KAZN: variants seen among roughly 807,000 people sequenced by gnomAD.
The protein encoded by KAZN is kazrin.
Under a neutral mutation model 87.4 loss-of-function variants are expected in KAZN, and 40 were observed. That is an observed-to-expected ratio of 0.46 (90% CI 0.36 to 0.60). The LOEUF (loss-of-function observed/expected upper bound fraction) is 0.60. Ranked by LOEUF, KAZN falls within the 20% of genes least tolerant of loss-of-function variation. The pLI is 0.00. For synonymous variants in KAZN, 466 were observed against 458.3 expected (o/e 1.02, Z -0.22); for missense variants, 898 against 1,073.9 (o/e 0.84, Z 2.29).
At chr1:14,812,209 C>A (rs1006121821) in intron 1 of KAZN, among the ~76,000 whole-genome samples, 3 of 152,168 alleles carry the variant, frequency 2.0e-5, no homozygotes, top group African/African-American at 7.2e-5. Context: ...TCTGTGACTA[C>A]CTTGAGCAAA....
chr1:15,054,514 T>C (rs926618039), intron 4 of KAZN, among the ~76,000 whole-genome samples: 1 of 151,960 alleles, frequency 6.6e-6, no homozygotes, highest in East Asian at 1.9e-4. Flanking sequence ...TAGCTGGGCA[T>C]GGTGGCAGGC....
intron 2 of KAZN, among the ~76,000 whole-genome samples, chr1:14,457,523 C>G (rs549376649): frequency 1.3e-5 from 2 of 152,118 alleles, no homozygotes; most frequent in Non-Finnish European, 1.5e-5. Context: ...AATTCATGCA[C>G]GTGGCCCTTT....
intron 2 of KAZN, among the ~76,000 whole-genome samples, chr1:14,993,498 A>G (rs1172789159): frequency 2.0e-5 from 3 of 151,876 alleles, no homozygotes; most frequent in African/African-American, 7.3e-5. Flanking sequence ...CATCATCATC[A>G]TCAGTTCAGG....
intron 2 of KAZN, among the ~76,000 whole-genome samples, chr1:14,278,492 G>A (rs967977981): frequency 1.6e-4 from 24 of 152,058 alleles, no homozygotes; most frequent in South Asian, 4.1e-4. Context: ...GTTTTACGAC[G>A]TTGGCCAGGC....
At chr1:15,045,188 C>T (rs1223919645) in intron 4 of KAZN, among the ~76,000 whole-genome samples, 1 of 152,162 alleles carries the variant, frequency 6.6e-6, no homozygotes, top group Non-Finnish European at 1.5e-5. Flanking sequence ...CACAGGGTGG[C>T]TGGGCAGATC....
At chr1:14,053,940 G>A (rs981278520) in intron 1 of KAZN, among the ~76,000 whole-genome samples, 2 of 152,094 alleles carry the variant, frequency 1.3e-5, no homozygotes, top group Non-Finnish European at 2.9e-5. Flanking sequence ...TGTTACTAAG[G>A]GAAGCATAAG....
chr1:14,206,768 A>G (rs1646754595), intron 2 of KAZN, among the ~76,000 whole-genome samples: 1 of 150,050 alleles, frequency 6.7e-6, no homozygotes. Context: ...GCCATTAAAC[A>G]TTCTTCAAAT....
rs540974553 is a variant in KAZN, at chr1:13,909,153, C to A, written c.91+15397C>A. On this transcript the variant is annotated intron_variant, in intron 1 of 16. Coordinates refer to the KAZN transcript ENST00000636203. ...ATGGAAGTACAAGGTTATTGATAAT[C>A]TTAGTGTCCAGCCTTGAATTATGGG... Among the ~76,000 whole-genome samples, 181 of 152,284 alleles carry A rather than the reference C, an allele frequency of 1.2e-3. 1 individual carries two copies. Among genetic ancestry groups the A allele is most frequent in the Non-Finnish European group, 2.1e-3 (143 of 68,024 alleles).
Position 15,087,479 on chromosome 1 carries a change from G to A in KAZN, c.1223-6701G>A, listed in dbSNP as rs186918410. Among the ~76,000 whole-genome samples the A allele has an allele frequency of 1.8e-4, 27 of 150,058 alleles. No homozygotes were observed. In the East Asian group the frequency reaches 3.9e-3, roughly 22 times the overall value. On this transcript the variant is annotated intron_variant, in intron 8 of 14. Coordinates refer to ENST00000376030, the MANE Select transcript of KAZN (RefSeq NM_201628.3). The stretch of plus-strand genomic sequence containing the variant: ...GTGATCTCAGCTCACTGCAACCCCC[G>A]CCTCCTGGGTTCAAGCAATTCTCCT...
chr1:14,036,171 A>C lies in KAZN; in HGVS notation c.91+142415A>C, dbSNP rs370568806. On this transcript the variant is annotated intron_variant, in intron 1 of 16. Transcript: ENST00000636203. ...CCTTTTGAACAGGCTGGAGTTTCTC[A>C]TGGTAGCTGAGGAAGCTGAGCTGAG... 9.8e-5 allele frequency among the ~76,000 whole-genome samples: 15 copies of C among 152,326 alleles called. No individual in the cohort carries two copies. In the South Asian group the frequency reaches 3.1e-3, roughly 32 times the overall value.
intron 1 of KAZN, among the ~76,000 whole-genome samples, chr1:14,767,850 C>A (rs538910378): frequency 2.0e-5 from 3 of 152,130 alleles, no homozygotes; most frequent in Non-Finnish European, 2.9e-5. Flanking sequence ...GAAAAGAGGA[C>A]CTTGAGCTGC....
intron 13 of KAZN, among the ~76,000 whole-genome samples, chr1:15,106,183 G>A (rs1162376254): frequency 6.6e-6 from 1 of 152,174 alleles, no homozygotes; most frequent in African/African-American, 2.4e-5. Flanking sequence ...TCAGGAGGCT[G>A]AGGCTGGGGA....
chr1:14,238,278 C>A (rs1648608685), intron 2 of KAZN, among the ~76,000 whole-genome samples: 1 of 152,116 alleles, frequency 6.6e-6, no homozygotes, highest in South Asian at 2.1e-4. Context: ...GTGGTTGGTG[C>A]TGGGGCTGGC....
intron 1 of KAZN, among the ~76,000 whole-genome samples, chr1:13,896,864 T>C (rs569734323): frequency 6.6e-6 from 1 of 152,282 alleles, no homozygotes; most frequent in South Asian, 2.1e-4. Context: ...GGCTGAGCAC[T>C]AAAGGGCGCC....
chr1:14,167,439 G>A (rs1222433586), intron 1 of KAZN, among the ~76,000 whole-genome samples: 4 of 152,106 alleles, frequency 2.6e-5, no homozygotes, highest in Non-Finnish European at 4.4e-5. Flanking sequence ...TACAAGGATG[G>A]AGGCAGGGCA....
intron 2 of KAZN, among the ~76,000 whole-genome samples, chr1:14,182,040 C>T (rs574754595): frequency 6.6e-6 from 1 of 152,264 alleles, no homozygotes; most frequent in East Asian, 1.9e-4. Flanking sequence ...TTTGCTCCCA[C>T]CGAGTGCCTA....
At chr1:13,940,645 C>G (rs1056025765) in intron 1 of KAZN, among the ~76,000 whole-genome samples, 3 of 152,040 alleles carry the variant, frequency 2.0e-5, no homozygotes, top group Non-Finnish European at 4.4e-5. Context: ...CTGAAATTAA[C>G]TCAATATACA....
intron 1 of KAZN, among the ~76,000 whole-genome samples, chr1:14,626,973 T>A (rs145508971): frequency 6.9e-4 from 105 of 152,250 alleles, no homozygotes; most frequent in Middle Eastern, 3.4e-3. Flanking sequence ...CTGAAGTCGC[T>A]TACCAGGACA....
chr1:13,935,380 T>G (rs576997264), intron 1 of KAZN, among the ~76,000 whole-genome samples: 75 of 152,174 alleles, frequency 4.9e-4, no homozygotes, highest in Non-Finnish European at 9.0e-4. Context: ...GCAAGAGACT[T>G]GTGTAAGGTG....
Sources: allele counts gnomAD v4.1 joint callset (sites outside exome capture counted in the v4.1 genomes callset), GRCh38; gene constraint gnomAD v4.1.1; transcripts MANE v1.5; gene names NCBI Gene and HGNC (gene_info 2026-07-23, HGNC 2026-07-21).